Variants in SNX29 observed in about 807,000 individuals in gnomAD.
SNX29 encodes the protein sorting nexin-29.
A neutral mutation model predicts 102.1 loss-of-function variants in SNX29; 78 were observed. The observed-to-expected ratio is 0.76, with a 90% CI of 0.64 to 0.92. The LOEUF is 0.92. Ranked by LOEUF, SNX29 falls within the 40% of genes least tolerant of loss-of-function variation. The probability of loss-of-function intolerance (pLI) is 0.00; values close to 1 mark genes in which losing one functional copy is unlikely to be tolerated. For missense variants in SNX29, 1,280 were observed against 1,061.7 expected (o/e 1.21, Z -2.86); for synonymous variants, 580 against 414.5 (o/e 1.40, Z -4.85).
At chr16:12,520,588 T>A (rs1314899954) in intron 19 of SNX29, among the ~76,000 whole-genome samples, 1 of 152,160 alleles carries the variant, frequency 6.6e-6, no homozygotes, top group Non-Finnish European at 1.5e-5. Context: ...AAAATATGGT[T>A]TATATACACC....
chr16:12,544,736 CAG>C (rs1225491993), intron 20 of SNX29, among the ~76,000 whole-genome samples: 2 of 152,160 alleles, frequency 1.3e-5, no homozygotes, highest in Non-Finnish European at 2.9e-5. Context: ...AACCTCGGCC[CAG>C]AGAGGTGAAG....
chr16:12,100,401 G>T (rs2052962323), intron 11 of SNX29, among the ~76,000 whole-genome samples: 1 of 152,148 alleles, frequency 6.6e-6, no homozygotes, highest in Non-Finnish European at 1.5e-5. Context: ...GGGGAGCGGG[G>T]TAGGTAAAAC....
chr16:12,068,926 A>C, intron 9 of SNX29, 131 bp from the exon 10 acceptor site: 2 of 753,836 alleles, frequency 2.7e-6, no homozygotes, highest in Non-Finnish European at 2.2e-6. Context: ...TCCAGCTTGC[A>C]GGAGAGATGG....
chr16:12,349,997 A>G (rs1450984212), intron 15 of SNX29, among the ~76,000 whole-genome samples: 1 of 152,188 alleles, frequency 6.6e-6, no homozygotes, highest in Non-Finnish European at 1.5e-5. Context: ...ATTGCTTGAA[A>G]CATTTCTAAA....
intron 20 of SNX29, among the ~76,000 whole-genome samples, chr16:12,566,154 C>T (rs1281890655): frequency 6.6e-6 from 1 of 152,228 alleles, no homozygotes; most frequent in African/African-American, 2.4e-5. Context: ...CCTACAGAAA[C>T]ACAGCTAGTT....
chr16:12,547,141 G>C (rs772794947), intron 20 of SNX29, among the ~76,000 whole-genome samples: 2 of 152,230 alleles, frequency 1.3e-5, no homozygotes, highest in Non-Finnish European at 2.9e-5. Context: ...ATCACAGAGG[G>C]AAAGAAGCCT....
At chr16:12,560,768 C>G (rs78845859) in intron 20 of SNX29, 3 of 174,368 alleles carry the variant, frequency 1.7e-5, no homozygotes, top group African/African-American at 7.1e-5. Flanking sequence ...TAGGATTTAC[C>G]CTCTGTGCTT....
chr16:12,235,784 A>AT (rs1042679317), intron 14 of SNX29, among the ~76,000 whole-genome samples: 4 of 143,036 alleles, frequency 2.8e-5, no homozygotes, highest in African/African-American at 1.1e-4. Context: ...TGGGTTGTAA[A>AT]TTGTGTGTGT....
intron 20 of SNX29, among the ~76,000 whole-genome samples, chr16:12,541,261 G>GAGAA (rs1247827081): frequency 6.6e-6 from 1 of 152,158 alleles, no homozygotes; most frequent in Non-Finnish European, 1.5e-5. Flanking sequence ...TTATCAGGGA[G>GAGAA]AGAATGACAG....
intron 14 of SNX29, among the ~76,000 whole-genome samples, chr16:12,272,660 A>C (rs1390820069): frequency 1.3e-5 from 2 of 152,178 alleles, no homozygotes; most frequent in African/African-American, 4.8e-5. Context: ...CTTTAAATCA[A>C]AACTTTGCAG....
At chr16:12,073,537 CTG>C (rs2051400480) in intron 10 of SNX29, among the ~76,000 whole-genome samples, 1 of 150,890 alleles carries the variant, frequency 6.6e-6, no homozygotes, top group Non-Finnish European at 1.5e-5. Flanking sequence ...GTCTGAGAGA[CTG>C]TTATAATTTC....
At chr16:12,403,202 ATGTGTGTG>A (rs67193889) in intron 17 of SNX29, among the ~76,000 whole-genome samples, 2,587 of 70,776 alleles carry the variant, frequency 0.037, 37 homozygotes, top group Admixed American at 0.069. Context: ...TTGTGTGTGT[ATGTGTGTG>A]TGTGTGTGTG....
intron 18 of SNX29, among the ~76,000 whole-genome samples, chr16:12,412,857 T>A (rs1399798088): frequency 6.6e-6 from 1 of 152,240 alleles, no homozygotes; most frequent in Non-Finnish European, 1.5e-5. Context: ...TTGCACTAGA[T>A]CATACTCTCA....
At chr16:12,489,226 AAC>A (rs2088411790) in intron 19 of SNX29, among the ~76,000 whole-genome samples, 2 of 152,124 alleles carry the variant, frequency 1.3e-5, no homozygotes, top group Admixed American at 6.5e-5. Flanking sequence ...ACGGCAGAAA[AAC>A]ACAAAAAACA....
intron 10 of SNX29, among the ~76,000 whole-genome samples, chr16:12,072,997 G>C (rs893289542): frequency 6.6e-6 from 1 of 152,290 alleles, no homozygotes; most frequent in South Asian, 2.1e-4. Context: ...TTGTATTTCT[G>C]TGGGATCGGT....
rs1043763786 is a variant in SNX29, at chr16:12,571,893, G to A, written c.*3264G>A. 2.0e-5 allele frequency: 21 copies of A among 1,061,746 alleles called. No individual in the cohort carries two copies. Among genetic ancestry groups the A allele is most frequent in the Non-Finnish European group, 2.3e-5 (20 of 877,096 alleles). 65.8% of individuals were successfully genotyped at this position (1,061,746 alleles called of 1,614,324 possible). On this transcript the variant is annotated 3_prime_UTR_variant, in exon 21 of 21. Transcript: ENST00000566228. ...TTAGAGTTTGGAGCTGAGGTTCAAA[G>A]CCCCCTGCATTTCTCTACTGGCAGG...
intron 18 of SNX29, among the ~76,000 whole-genome samples, chr16:12,455,261 C>T (rs1411496207): frequency 6.6e-6 from 1 of 152,196 alleles, no homozygotes; most frequent in Non-Finnish European, 1.5e-5. Flanking sequence ...TTGGTCTACG[C>T]CTGGGGTTTC....
intron 18 of SNX29, among the ~76,000 whole-genome samples, chr16:12,460,413 T>G (rs1393728494): frequency 6.6e-6 from 1 of 152,226 alleles, no homozygotes; most frequent in Non-Finnish European, 1.5e-5. Context: ...TGGAAAGGTC[T>G]TAGTGTAACC....
At chr16:12,295,364 C>G (rs1481172481) in intron 15 of SNX29, among the ~76,000 whole-genome samples, 1 of 152,256 alleles carries the variant, frequency 6.6e-6, no homozygotes, top group African/African-American at 2.4e-5. Context: ...AACATTCCTT[C>G]TCTTCCTACC....
Sources: gnomAD v4.1 joint callset for allele counts (sites outside exome capture counted in the v4.1 genomes callset) on GRCh38, gnomAD v4.1.1 for gene constraint, MANE v1.5 for transcripts, NCBI Gene and HGNC (gene_info 2026-07-23, HGNC 2026-07-21) for gene names.